The following RIMS4 variants were observed in gnomAD, a reference collection of about 807,000 sequenced individuals.
RIMS4 encodes the protein regulating synaptic membrane exocytosis 4, also known as regulating synaptic membrane exocytosis protein 4.
RIMS4 carries 9 observed loss-of-function variants against 29.0 expected under a neutral mutation model. The observed-to-expected ratio is 0.31, with a 90% confidence interval of 0.19 to 0.54. The LOEUF is 0.54. Among genes scored for constraint, RIMS4 ranks in the 20% least tolerant of loss-of-function variants. RIMS4 has a pLI of 0.94. For missense variants in RIMS4, 193 were observed against 365.7 expected, an observed-to-expected ratio of 0.53 and a Z score of 3.85; for synonymous variants, 130 against 152.9, an observed-to-expected ratio of 0.85 and a Z score of 1.10.
At chr20:44,774,582 C>T (rs1271732515) in intron 1 of RIMS4, among the ~76,000 whole-genome samples, 2 of 152,212 alleles carry the variant, frequency 1.3e-5, no homozygotes. Context: ...CCTTGCTCCT[C>T]AGCTTGCAGA....
intron 1 of RIMS4, among the ~76,000 whole-genome samples, chr20:44,791,311 G>A (rs1212972459): frequency 6.6e-6 from 1 of 152,184 alleles, no homozygotes; most frequent in Admixed American, 6.5e-5. Context: ...TTGCCACCAT[G>A]GGTGCACATA....
chr20:44,759,641 G>A (rs892887438), intron 2 of RIMS4, among the ~76,000 whole-genome samples: 1 of 152,210 alleles, frequency 6.6e-6, no homozygotes, highest in East Asian at 1.9e-4. Flanking sequence ...CTATTCCCTG[G>A]CCAGAGATGA....
intron 1 of RIMS4, among the ~76,000 whole-genome samples, chr20:44,805,129 T>G (rs188404042): frequency 6.6e-6 from 1 of 151,154 alleles, no homozygotes; most frequent in East Asian, 1.9e-4. Context: ...TGAAACCCCA[T>G]CTCTACAAAA....
chr20:44,808,692 T>C (rs575732903), intron 1 of RIMS4, among the ~76,000 whole-genome samples: 5 of 152,250 alleles, frequency 3.3e-5, no homozygotes, highest in East Asian at 3.9e-4. Context: ...TCCAGGTCAA[T>C]AGAAAGACAG....
intron 2 of RIMS4, among the ~76,000 whole-genome samples, chr20:44,765,680 A>G (rs2066110365): frequency 6.6e-6 from 1 of 152,156 alleles, no homozygotes; most frequent in Non-Finnish European, 1.5e-5. Flanking sequence ...CAGCCTTGGT[A>G]GAACCGTGAC....
At chr20:44,769,473 G>A (rs933657251) in intron 2 of RIMS4, among the ~76,000 whole-genome samples, 4 of 152,176 alleles carry the variant, frequency 2.6e-5, no homozygotes, top group Non-Finnish European at 5.9e-5. Context: ...GGGCATGAGT[G>A]GCAGAGCCAG....
intron 1 of RIMS4, among the ~76,000 whole-genome samples, chr20:44,787,365 C>T (rs185373698): frequency 6.6e-5 from 10 of 152,260 alleles, no homozygotes; most frequent in Admixed American, 1.3e-4. Flanking sequence ...TCATTGGGCA[C>T]GGGTGACAGG....
chr20:44,807,972 T>C (rs1254648322), intron 1 of RIMS4, among the ~76,000 whole-genome samples: 1 of 152,072 alleles, frequency 6.6e-6, no homozygotes, highest in Non-Finnish European at 1.5e-5. Flanking sequence ...TTAAAAATCC[T>C]CTTTCAGAGG....
intron 1 of RIMS4, among the ~76,000 whole-genome samples, chr20:44,802,477 G>T (rs567509904): frequency 6.6e-6 from 1 of 152,112 alleles, no homozygotes; most frequent in Non-Finnish European, 1.5e-5. Context: ...CTTTCTGTCC[G>T]TCCATGGAAG....
chr20:44,778,394 G>T (rs1424763868), intron 1 of RIMS4, among the ~76,000 whole-genome samples: 1 of 152,232 alleles, frequency 6.6e-6, no homozygotes, highest in Non-Finnish European at 1.5e-5. Context: ...TTAGAATTCA[G>T]GCTGGGTACA....
At chr20:44,784,357 T>A (rs1409895730) in intron 1 of RIMS4, among the ~76,000 whole-genome samples, 1 of 152,140 alleles carries the variant, frequency 6.6e-6, no homozygotes, top group Non-Finnish European at 1.5e-5. Context: ...CCTTCCTCAA[T>A]CAACAGATGG....
intron 1 of RIMS4, among the ~76,000 whole-genome samples, chr20:44,780,723 C>A (rs753420108): frequency 2.6e-5 from 4 of 152,166 alleles, no homozygotes; most frequent in Admixed American, 6.5e-5. Context: ...CCTGGTTCAA[C>A]GCAGGCCAGA....
Position 44,810,351 on chromosome 20 carries a change from T to C in RIMS4, c.-80A>G. 3.2e-6 allele frequency: 1 copy of C among 314,336 alleles called. No homozygotes were observed. Among genetic ancestry groups the C allele is most frequent in the Non-Finnish European group, 4.6e-6 (1 of 216,456 alleles). 19.5% of individuals were successfully genotyped at this position (314,336 alleles called of 1,614,324 possible). ...CTTGGGCAGCTTGGCCGCCCCATTC[T>C]TGACGCGGAGTACGGCGCGCGGCGT... On this transcript the variant is annotated 5_prime_UTR_variant, in exon 1 of 6. Coordinates refer to ENST00000372851, the MANE Select transcript of RIMS4 (RefSeq NM_182970.4).
At chr20:44,785,469 C>A (rs1303466003) in intron 1 of RIMS4, among the ~76,000 whole-genome samples, 3 of 152,220 alleles carry the variant, frequency 2.0e-5, no homozygotes, top group Non-Finnish European at 4.4e-5. Flanking sequence ...CCTTGGCCTT[C>A]CAAAGAGCTT....
chr20:44,809,542 C>CCTACA (rs1194758501), intron 1 of RIMS4, among the ~76,000 whole-genome samples: 6 of 151,980 alleles, frequency 3.9e-5, no homozygotes, highest in Admixed American at 6.5e-5. Context: ...TTGGCGCCGC[C>CCTACA]CTACACCTCT....
In RIMS4 at chr20:44,810,492, T is replaced by TGGCGGCGGCGGCGGCGGCGGCGGC. The variant is rs1186589933; in HGVS notation, c.-222_-221insGCCGCCGCCGCCGCCGCCGCCGCC. ...CGGAGCCCGAGGCGCGCTGTGCTGC[T>TGGCGGCGGCGGCGGCGGCGGCGGC]GGCGGCGGCGGCGGCGGCGGCGGTG... On this transcript the variant is annotated 5_prime_UTR_variant, in exon 1 of 6. Coordinates refer to ENST00000372851, the MANE Select transcript of RIMS4 (RefSeq NM_182970.4). Among the ~76,000 whole-genome samples, 42 of 138,776 alleles carry TGGCGGCGGCGGCGGCGGCGGCGGC rather than the reference T, an allele frequency of 3.0e-4. No individual in the cohort carries two copies. The highest frequency in any genetic ancestry group is 8.9e-4 in the South Asian group (4 of 4,486). The allele number at this position is 138,776 out of a possible 152,430, so 91.0% of individuals were successfully genotyped here. A position where few individuals can be genotyped will look rare whatever the true frequency, so the allele number is the denominator to read the frequency against.
intron 1 of RIMS4, among the ~76,000 whole-genome samples, chr20:44,791,458 C>A (rs1420911557): frequency 1.3e-5 from 2 of 152,176 alleles, no homozygotes; most frequent in East Asian, 3.8e-4. Context: ...TAGAGGTTTG[C>A]TCCAAGGATT....
At chr20:44,794,784 A>G (rs2066247520) in intron 1 of RIMS4, among the ~76,000 whole-genome samples, 1 of 152,068 alleles carries the variant, frequency 6.6e-6, no homozygotes. Flanking sequence ...ACACCAGGAG[A>G]TATCACTATC....
intron 1 of RIMS4, among the ~76,000 whole-genome samples, chr20:44,791,086 T>A (rs2066230480): frequency 6.6e-6 from 1 of 152,208 alleles, no homozygotes. Context: ...GTGAAGGTCC[T>A]TTTAAGGTGA....
Sources: allele counts gnomAD v4.1 joint callset (sites outside exome capture counted in the v4.1 genomes callset), GRCh38; gene constraint gnomAD v4.1.1; transcripts MANE v1.5; gene names NCBI Gene and HGNC (gene_info 2026-07-23, HGNC 2026-07-21).